The following SASH1 variants were observed in gnomAD, a reference collection of about 807,000 sequenced individuals.
The protein encoded by SASH1 is SAM and SH3 domain-containing protein 1.
Under a neutral mutation model 125.2 loss-of-function variants are expected in SASH1, and 44 were observed. The observed-to-expected ratio is 0.35, with a 90% CI of 0.28 to 0.45. The LOEUF (loss-of-function observed/expected upper bound fraction) is 0.45. SASH1 is among the 20% of genes least tolerant of loss of function. The pLI is 1.00. For synonymous variants in SASH1, 639 were observed against 649.1 expected, an observed-to-expected ratio of 0.98 and a Z score of 0.24; for missense variants, 1,426 against 1,614.5, an observed-to-expected ratio of 0.88 and a Z score of 2.00.
At position 148,319,810 on chromosome 6, in the gene SASH1, G is replaced by A. The variant is rs11962324; in HGVS notation, n.74+47433G>A. The stretch of plus-strand genomic sequence containing the variant: ...ATTACAGGCATGAGCCACCGCACCC[G>A]GCCCGATGTATAAGTTTTAAATTGC... On this transcript the variant is annotated intron_variant and non_coding_transcript_variant, in intron 1 of 3. Coordinates refer to the SASH1 transcript ENST00000367469. Among the ~76,000 whole-genome samples, 1,240 of 152,228 alleles carry A rather than the reference G, an allele frequency of 8.1e-3. 19 individuals carry two copies. Among genetic ancestry groups the A allele is most frequent in the African/African-American group, 0.028 (1,176 of 41,532 alleles).
chr6:148,509,235 C>T (rs1027141181), intron 8 of SASH1: 1 of 251,572 alleles, frequency 4.0e-6, no homozygotes. Flanking sequence ...GCTTCCTTCT[C>T]TTAAGTTTAA....
At chr6:148,418,885 C>T (rs1192926004) in intron 2 of SASH1, among the ~76,000 whole-genome samples, 1 of 152,200 alleles carries the variant, frequency 6.6e-6, no homozygotes, top group African/African-American at 2.4e-5. Flanking sequence ...CTTCCACCCT[C>T]AGATCATAAC....
chr6:148,542,945 A>G (rs1272103263), intron 17 of SASH1, among the ~76,000 whole-genome samples: 2 of 152,114 alleles, frequency 1.3e-5, no homozygotes, highest in East Asian at 1.9e-4. Flanking sequence ...CATGAATTGT[A>G]AGTTCTTGGC....
At chr6:148,393,220 ATTTTT>A (rs11368072) in intron 2 of SASH1, among the ~76,000 whole-genome samples, 2 of 126,956 alleles carry the variant, frequency 1.6e-5, no homozygotes, top group Non-Finnish European at 3.3e-5. Context: ...CTAATTTTGT[ATTTTT>A]TTTTTTTTTT....
chr6:148,538,355 C>T (rs758489393), intron 16 of SASH1, among the ~76,000 whole-genome samples: 1 of 152,136 alleles, frequency 6.6e-6, no homozygotes, highest in Non-Finnish European at 1.5e-5. Context: ...TACACCGACT[C>T]CTCTCCCTGG....
the SASH1 span, among the ~76,000 whole-genome samples, chr6:148,205,015 C>A: frequency 3.3e-5 from 5 of 152,138 alleles, no homozygotes; most frequent in African/African-American, 1.2e-4. Flanking sequence ...CTCTGTCCAG[C>A]GTGCTTTGTC....
Position 148,471,650 on chromosome 6 carries a change from T to C in SASH1, c.514+147T>C, listed in dbSNP as rs969636538. On this transcript the variant is annotated intron_variant, in intron 6 of 19. Coordinates refer to ENST00000367467, the MANE Select transcript of SASH1 (RefSeq NM_015278.5). Reference sequence around the variant, plus strand: ...TTCAACTTTTCTGACATTTCTGTTATTACTTTAAGACTTTGTTCCAGTGAT... The same window carrying C: ...TTCAACTTTTCTGACATTTCTGTTACTACTTTAAGACTTTGTTCCAGTGAT... 16 of 609,740 alleles carry C rather than the reference T, an allele frequency of 2.6e-5. No individual in the cohort carries two copies. The African/African-American group carries it at 2.8e-4, about 11-fold the overall frequency. 37.8% of individuals were successfully genotyped at this position (609,740 alleles called of 1,614,324 possible). A position where few individuals can be genotyped will look rare whatever the true frequency, so the allele number is the denominator to read the frequency against.
In SASH1 at chr6:148,525,286, C is replaced by T. The variant is rs555522202; in HGVS notation, c.1210-5C>T. 8.1e-6 allele frequency: 13 copies of T among 1,613,744 alleles called. No homozygotes were observed. In the South Asian group the frequency reaches 1.3e-4, roughly 16 times the overall value. ...AGTTTTTCTGCCCTACCCTCTTTTC[C>T]ACAGAGAACCTGCAGTTTTGGAGGA... On this transcript the variant is annotated splice_polypyrimidine_tract_variant and splice_region_variant and intron_variant, in intron 10 of 19. Coordinates refer to ENST00000367467, the MANE Select transcript of SASH1 (RefSeq NM_015278.5).
the SASH1 span, among the ~76,000 whole-genome samples, chr6:148,239,273 T>C: frequency 6.6e-6 from 1 of 152,334 alleles, no homozygotes; most frequent in African/African-American, 2.4e-5. Flanking sequence ...AAGGAAATGA[T>C]AACATAACAG....
chr6:148,205,517 A>G, the SASH1 span, among the ~76,000 whole-genome samples: 1 of 152,180 alleles, frequency 6.6e-6, no homozygotes, highest in Non-Finnish European at 1.5e-5. Context: ...GACTCAGGCC[A>G]AGTAGGTGTT....
At chr6:148,239,847 C>G in the SASH1 span, 1 of 152,286 alleles carries the variant, frequency 6.6e-6, no homozygotes, top group East Asian at 1.9e-4. Flanking sequence ...GCCTAGGGAA[C>G]ACCTAAACTT....
At chr6:148,295,239 C>T (rs1161023959) in intron 1 of SASH1, among the ~76,000 whole-genome samples, 1 of 152,056 alleles carries the variant, frequency 6.6e-6, no homozygotes, top group Admixed American at 6.6e-5. Flanking sequence ...AAAAATAACC[C>T]TAGTCTTGAT....
intron 4 of SASH1, among the ~76,000 whole-genome samples, chr6:148,461,857 A>G (rs1448742652): frequency 6.6e-6 from 1 of 152,234 alleles, no homozygotes; most frequent in African/African-American, 2.4e-5. Context: ...CTTCTTTAAC[A>G]TGTAATGATT....
chr6:148,481,691 T>C (rs1778624499), intron 7 of SASH1, among the ~76,000 whole-genome samples: 1 of 152,154 alleles, frequency 6.6e-6, no homozygotes, highest in South Asian at 2.1e-4. Context: ...TATTTATCCA[T>C]TAAGTTCACT....
Position 148,368,770 on chromosome 6 carries a change from G to GCGCACACACACACACACACA in SASH1, c.157-21363_157-21362insGCACACACACACACACACAC, listed in dbSNP as rs1554245330. On this transcript the variant is annotated intron_variant, in intron 1 of 19. Coordinates refer to ENST00000367467, the MANE Select transcript of SASH1 (RefSeq NM_015278.5). ...CCCCCACATGCGCGCGCACGCGCGC[G>GCGCACACACACACACACACA]CACACACACACACACACACACACAC... Among the ~76,000 whole-genome samples the GCGCACACACACACACACACA allele has an allele frequency of 3.4e-3, 460 of 135,732 alleles. 5 individuals are homozygous for GCGCACACACACACACACACA. The highest frequency in any genetic ancestry group is 3.7e-3 in the Middle Eastern group (1 of 268). The allele number at this position is 135,732 out of a possible 152,430, so 89.0% of individuals were successfully genotyped here. A position where few individuals can be genotyped will look rare whatever the true frequency, so the allele number is the denominator to read the frequency against.
chr6:148,217,528 A>C, the SASH1 span, among the ~76,000 whole-genome samples: 2 of 152,106 alleles, frequency 1.3e-5, no homozygotes, highest in South Asian at 2.1e-4. Context: ...CATCATCCAG[A>C]TCACACAGCC....
the SASH1 span, among the ~76,000 whole-genome samples, chr6:148,255,535 A>T: frequency 6.6e-6 from 1 of 152,212 alleles, no homozygotes; most frequent in Non-Finnish European, 1.5e-5. Flanking sequence ...ATACACAGGC[A>T]AATCTCCTTT....
chr6:148,248,908 A>AT, the SASH1 span, among the ~76,000 whole-genome samples: 5 of 152,046 alleles, frequency 3.3e-5, no homozygotes, highest in East Asian at 1.9e-4. Context: ...CAAACATTGT[A>AT]TTTTTTTTGT....
At chr6:148,390,726 T>TG (rs1783674598) in intron 2 of SASH1, among the ~76,000 whole-genome samples, 1 of 151,224 alleles carries the variant, frequency 6.6e-6, no homozygotes, top group African/African-American at 2.4e-5. Flanking sequence ...TGGCAGAGCT[T>TG]GCAGTGAGCC....
Sources: allele counts gnomAD v4.1 joint callset (sites outside exome capture counted in the v4.1 genomes callset), GRCh38; gene constraint gnomAD v4.1.1; transcripts MANE v1.5; gene names NCBI Gene and HGNC (gene_info 2026-07-23, HGNC 2026-07-21).